WWTR1: variants seen among roughly 807,000 people sequenced by gnomAD.
WWTR1 encodes the protein WW domain-containing transcription regulator protein 1.
Under a neutral mutation model 40.1 loss-of-function variants are expected in WWTR1, and 13 were observed. The observed-to-expected ratio is 0.32, with a 90% CI of 0.21 to 0.52. The LOEUF (loss-of-function observed/expected upper bound fraction) is 0.52, where lower values mean the gene tolerates loss of function less well. Ranked by LOEUF, WWTR1 falls within the 20% of genes least tolerant of loss-of-function variation. The pLI is 0.97. For synonymous variants in WWTR1, 230 were observed against 210.1 expected (o/e 1.09, Z -0.82); for missense variants, 436 against 523.1 (o/e 0.83, Z 1.63).
At chr3:149,573,892 T>C (rs941939184) in intron 2 of WWTR1, among the ~76,000 whole-genome samples, 3 of 152,082 alleles carry the variant, frequency 2.0e-5, no homozygotes, top group Non-Finnish European at 4.4e-5. Context: ...CCTGGTACCT[T>C]AGAGACTCTG....
At chr3:149,670,841 C>G (rs1410784947) in intron 1 of WWTR1, 1 of 152,066 alleles carries the variant, frequency 6.6e-6, no homozygotes, top group Non-Finnish European at 1.5e-5. Context: ...TCGATCCAGT[C>G]TGGGAAAAAA....
In WWTR1 at chr3:149,683,694, T is replaced by TA. The variant is rs565214316; in HGVS notation, c.-107-13804dup. 2.5e-3 allele frequency among the ~76,000 whole-genome samples: 370 copies of TA among 150,414 alleles called. 3 individuals are homozygous for TA. Among genetic ancestry groups the TA allele is most frequent in the South Asian group, 8.0e-3 (38 of 4,744 alleles). On this transcript the variant is annotated intron_variant, in intron 1 of 7. Coordinates refer to the WWTR1 transcript ENST00000465804. ...GGGCAATAGAACAAGATTCTGCCTT[T>TA]AAAAAAAAAGAAAAAGAAAAAGAAC...
chr3:149,704,283 G>A (rs1334070086), upstream of WWTR1, among the ~76,000 whole-genome samples: 1 of 152,132 alleles, frequency 6.6e-6, no homozygotes, highest in Non-Finnish European at 1.5e-5. Context: ...AAAATTTTAA[G>A]AGCTAAAAAA....
At chr3:149,669,770 A>G (rs1440873665) in intron 2 of WWTR1, 1 of 152,150 alleles carries the variant, frequency 6.6e-6, no homozygotes, top group African/African-American at 2.4e-5. Context: ...AAAAAAATGA[A>G]TAAAAATAGA....
chr3:149,547,136 G>A (rs1736399198), intron 3 of WWTR1, among the ~76,000 whole-genome samples: 1 of 151,702 alleles, frequency 6.6e-6, no homozygotes, highest in African/African-American at 2.4e-5. Flanking sequence ...AGCAGAGCAT[G>A]GGAAGGCAAA....
At chr3:149,593,737 G>T (rs1366465977) in intron 2 of WWTR1, among the ~76,000 whole-genome samples, 1 of 152,202 alleles carries the variant, frequency 6.6e-6, no homozygotes, top group Non-Finnish European at 1.5e-5. Flanking sequence ...AGGGAAGCAG[G>T]GGGAGCCATT....
intron 4 of WWTR1, among the ~76,000 whole-genome samples, chr3:149,539,526 G>C (rs928178786): frequency 6.6e-6 from 1 of 152,184 alleles, no homozygotes; most frequent in Non-Finnish European, 1.5e-5. Flanking sequence ...AGGAGAGCCA[G>C]TGTAATTACA....
intron 3 of WWTR1, among the ~76,000 whole-genome samples, chr3:149,560,521 AT>A (rs1291714706): frequency 1.3e-5 from 2 of 152,220 alleles, no homozygotes; most frequent in Non-Finnish European, 2.9e-5. Flanking sequence ...ATTCTAATTA[AT>A]TCAGGCATTA....
intron 2 of WWTR1, among the ~76,000 whole-genome samples, chr3:149,650,596 G>A (rs1383707873): frequency 6.6e-6 from 1 of 152,122 alleles, no homozygotes; most frequent in Non-Finnish European, 1.5e-5. Flanking sequence ...GCATACAGCA[G>A]GTAATCAACA....
intron 2 of WWTR1, among the ~76,000 whole-genome samples, chr3:149,622,057 C>T (rs1740302377): frequency 6.6e-6 from 1 of 152,162 alleles, no homozygotes; most frequent in Non-Finnish European, 1.5e-5. Context: ...AACCTATCTG[C>T]TTCTGCTCAC....
At chr3:149,674,050 T>C (rs1023612422) in intron 1 of WWTR1, among the ~76,000 whole-genome samples, 6 of 32,988 alleles carry the variant, frequency 1.8e-4, no homozygotes, top group Non-Finnish European at 3.5e-4. Flanking sequence ...TAAGACCTCG[T>C]CTCTACAAAA....
At chr3:149,526,578 C>A (rs1735326113) in intron 5 of WWTR1, among the ~76,000 whole-genome samples, 1 of 152,108 alleles carries the variant, frequency 6.6e-6, no homozygotes, top group African/African-American at 2.4e-5. Flanking sequence ...GGGGGGATGG[C>A]TTCAAATATT....
chr3:149,546,114 C>G (rs1200413323), intron 3 of WWTR1, among the ~76,000 whole-genome samples: 1 of 152,212 alleles, frequency 6.6e-6, no homozygotes, highest in Non-Finnish European at 1.5e-5. Flanking sequence ...GTCTTTAAAA[C>G]ACTTGCCCCT....
intron 2 of WWTR1, among the ~76,000 whole-genome samples, chr3:149,637,395 T>C (rs531835127): frequency 1.3e-5 from 2 of 151,958 alleles, no homozygotes; most frequent in African/African-American, 2.4e-5. Context: ...CCAGCTAATT[T>C]TTTTTTTGTA....
At chr3:149,713,372 A>G (rs905699627) in intron 5 of WWTR1, among the ~76,000 whole-genome samples, 3 of 150,892 alleles carry the variant, frequency 2.0e-5, no homozygotes, top group Non-Finnish European at 4.4e-5. Context: ...TTATTAATTT[A>G]TTTATTTTTT....
At chr3:149,533,802 CTATAAAGATTAGAAAGCGTACT>C (rs138842950) in intron 4 of WWTR1, among the ~76,000 whole-genome samples, 10,502 of 152,156 alleles carry the variant, frequency 0.069, 424 homozygotes, top group South Asian at 0.13. Context: ...TGCTGGGATG[CTATAAAGATTAGAAAGCGTACT>C]TATAATGGAC....
At position 149,520,934 on chromosome 3, in the gene WWTR1, A is replaced by G. The variant is rs1294542058; in HGVS notation, c.1074T>C (p.Pro358=). The G allele has an allele frequency of 1.8e-5, 29 of 1,613,304 alleles. No homozygotes were observed. Among genetic ancestry groups the G allele is most frequent in the Non-Finnish European group, 2.4e-5 (28 of 1,179,718 alleles). ...MNINPQQTRF[P]DFLDCLPGTN... ...TTCCTGGAAGACAGTCAAGGAAATC[A>G]GGGAAACGGGTCTGTTGGGGATTGA... Residue 358 remains proline, a synonymous_variant, in exon 7 of 7, where the codon CCT becomes CCC. Transcript: ENST00000360632.
chr3:149,546,970 A>G (rs887917606), intron 3 of WWTR1, among the ~76,000 whole-genome samples: 4 of 152,084 alleles, frequency 2.6e-5, no homozygotes, highest in African/African-American at 4.8e-5. Flanking sequence ...CCTTGCCACT[A>G]TGCTCCCTCT....
rs1323189376 is a variant in WWTR1 at position 149,679,956 on chromosome 3, TTCTGACATCATGGTAAATC to T, written c.-107-10084_-107-10066del. On this transcript the variant is annotated intron_variant, in intron 1 of 7. Coordinates refer to the WWTR1 transcript ENST00000465804. ...TTGCCCCAAGAAATTCAGAACTGTA[TTCTGACATCATGGTAAATC>T]TCTGCTGGTCTCTCCTTCTACTTGT... is the stretch of plus-strand genomic sequence containing the variant. Among the ~76,000 whole-genome samples, 6 of 152,316 alleles carry T rather than the reference TTCTGACATCATGGTAAATC, an allele frequency of 3.9e-5. No individual in the cohort carries two copies. In the East Asian group the frequency reaches 1.2e-3, roughly 29 times the overall value.
Sources: allele counts gnomAD v4.1 joint callset (sites outside exome capture counted in the v4.1 genomes callset), GRCh38; gene constraint gnomAD v4.1.1; transcripts MANE v1.5; gene names NCBI Gene and HGNC (gene_info 2026-07-23, HGNC 2026-07-21).